The following CACNA2D1 variants were observed in gnomAD, a reference collection of about 807,000 sequenced individuals.
The protein encoded by CACNA2D1 is voltage-dependent calcium channel subunit alpha-2/delta-1.
In CACNA2D1, 53 loss-of-function variants were observed where a neutral mutation model predicts 171.5. That is an observed-to-expected ratio of 0.31 (90% confidence interval 0.25 to 0.39). The LOEUF (loss-of-function observed/expected upper bound fraction) is 0.39, where lower values mean the gene tolerates loss of function less well. Among genes scored for constraint, CACNA2D1 ranks in the 10% least tolerant of loss-of-function variants. The pLI, the probability that CACNA2D1 is intolerant of heterozygous loss-of-function variation, is 1.00. For synonymous variants in CACNA2D1, 442 were observed against 443.1 expected (o/e 1.00, Z 0.03); for missense variants, 903 against 1,299.8 (o/e 0.69, Z 4.69).
chr7:82,085,045 G>T (rs140943942), intron 6 of CACNA2D1, 145 bp from the exon 7 acceptor site: 3 of 730,688 alleles, frequency 4.1e-6, no homozygotes, highest in African/African-American at 3.5e-5. Context: ...ACAAGTTTTC[G>T]ACACTTTAGA....
Position 82,181,041 on chromosome 7 carries a change from ATTTTTTTTTTTTTTTTT to A in CACNA2D1, c.295-10449_295-10433del, listed in dbSNP as rs71093367. On this transcript the variant is annotated intron_variant, in intron 3 of 38. Transcript: ENST00000356860. ...GGTCAGCAGCTGTGGGGCATGTCGGATTTTTTTTTTTTTTTTTTTTTTTTTTTTTTTTTTTTGCGTCA... is the reference window on the plus strand; with the variant it reads ...GGTCAGCAGCTGTGGGGCATGTCGGATTTTTTTTTTTTTTTTTTTGCGTCA... 5.3e-3 allele frequency among the ~76,000 whole-genome samples: 74 copies of A among 13,958 alleles called. 2 individuals carry two copies. Among genetic ancestry groups the A allele is most frequent in the East Asian group, 0.012 (10 of 808 alleles). 9.2% of individuals were successfully genotyped at this position (13,958 alleles called of 152,430 possible). A position where few individuals can be genotyped will look rare whatever the true frequency, so the allele number is the denominator to read the frequency against.
At chr7:82,096,419 G>T (rs902781998) in intron 6 of CACNA2D1, among the ~76,000 whole-genome samples, 3 of 152,022 alleles carry the variant, frequency 2.0e-5, no homozygotes, top group Non-Finnish European at 4.4e-5. Flanking sequence ...AGAACATCAT[G>T]AGTGCTCTTT....
At chr7:82,124,009 T>C (rs1272563114) in intron 5 of CACNA2D1, among the ~76,000 whole-genome samples, 3 of 152,060 alleles carry the variant, frequency 2.0e-5, no homozygotes, top group African/African-American at 7.2e-5. Context: ...ATCAAAAATA[T>C]TTAAACCATT....
intron 16 of CACNA2D1, 48 bp from the exon 17 acceptor site, chr7:82,005,887 A>G: frequency 9.8e-7 from 1 of 1,024,724 alleles, no homozygotes; most frequent in Non-Finnish European, 1.6e-6. Context: ...AAATTTACGT[A>G]TTTTTACACA....
At chr7:82,094,566 A>G (rs986008801) in intron 6 of CACNA2D1, among the ~76,000 whole-genome samples, 4 of 152,330 alleles carry the variant, frequency 2.6e-5, no homozygotes, top group East Asian at 1.9e-4. Context: ...CATTAAATTT[A>G]CAAGTCCTTG....
Position 82,149,791 on chromosome 7 carries a change from C to G in CACNA2D1, c.355-13115G>C, listed in dbSNP as rs62462961. Reference sequence around the variant, plus strand: ...AAAATACAAAAAAAAAACAAACAAACAACAAAAAAAAAAACATTAGCTGGG... The same window carrying G: ...AAAATACAAAAAAAAAACAAACAAAGAACAAAAAAAAAAACATTAGCTGGG... On this transcript the variant is annotated intron_variant, in intron 4 of 38. Coordinates refer to ENST00000356860, the MANE Select transcript of CACNA2D1 (RefSeq NM_000722.4). Among the ~76,000 whole-genome samples, 276 of 137,036 alleles carry G rather than the reference C, an allele frequency of 2.0e-3. 1 individual carries two copies. The highest frequency in any genetic ancestry group is 7.8e-3 in the Middle Eastern group (2 of 256). 89.9% of individuals were successfully genotyped at this position (137,036 alleles called of 152,430 possible). A position where few individuals can be genotyped will look rare whatever the true frequency, so the allele number is the denominator to read the frequency against.
chr7:82,134,003 G>A (rs1255059409), intron 5 of CACNA2D1, among the ~76,000 whole-genome samples: 1 of 152,002 alleles, frequency 6.6e-6, no homozygotes, highest in Non-Finnish European at 1.5e-5. Context: ...AACCCAGGAG[G>A]TGGAGCTTGC....
At chr7:82,162,969 C>T (rs1009954196) in intron 4 of CACNA2D1, among the ~76,000 whole-genome samples, 1 of 151,996 alleles carries the variant, frequency 6.6e-6, no homozygotes, top group Admixed American at 6.6e-5. Context: ...GAAGAAAACT[C>T]TCAGGCCAGG....
chr7:82,251,369 T>A (rs1372764023), intron 3 of CACNA2D1, among the ~76,000 whole-genome samples: 1 of 152,186 alleles, frequency 6.6e-6, no homozygotes, highest in Admixed American at 6.5e-5. Flanking sequence ...AAATTATCTA[T>A]ATCTTGATAG....
intron 24 of CACNA2D1, among the ~76,000 whole-genome samples, chr7:81,979,459 T>C (rs529184419): frequency 2.8e-4 from 42 of 152,262 alleles, no homozygotes; most frequent in African/African-American, 9.6e-4. Context: ...AGTTTCCACC[T>C]TGTCTTATAG....
chr7:82,163,744 C>T (rs1795176423), intron 4 of CACNA2D1, among the ~76,000 whole-genome samples: 1 of 151,944 alleles, frequency 6.6e-6, no homozygotes, highest in Non-Finnish European at 1.5e-5. Flanking sequence ...GTTGCAATGG[C>T]AAACATAGTA....
rs957915149 is a variant in CACNA2D1, at chr7:81,948,612, A to T, written c.*1780T>A. The T allele has an allele frequency of 6.6e-6, 1 of 151,944 alleles. No individual in the cohort carries two copies. The highest frequency in any genetic ancestry group is 1.5e-5 in the Non-Finnish European group (1 of 67,836). 9.4% of individuals were successfully genotyped at this position (151,944 alleles called of 1,614,324 possible). ...TGGTTATATCTTTGATATGTGGAGC[A>T]TATTAAAGCATGCTGGATAATGTTA... On this transcript the variant is annotated 3_prime_UTR_variant, in exon 39 of 39. Coordinates refer to ENST00000356860, the MANE Select transcript of CACNA2D1 (RefSeq NM_000722.4).
At chr7:82,106,199 A>G (rs2129042401) in intron 6 of CACNA2D1, among the ~76,000 whole-genome samples, 1 of 152,220 alleles carries the variant, frequency 6.6e-6, no homozygotes, top group Middle Eastern at 3.4e-3. Context: ...ATGCCTTTCT[A>G]CCTCTAGGGA....
intron 3 of CACNA2D1, among the ~76,000 whole-genome samples, chr7:82,227,761 A>C (rs1802510326): frequency 1.3e-5 from 2 of 152,234 alleles, no homozygotes; most frequent in Non-Finnish European, 2.9e-5. Context: ...AGAAAAAACT[A>C]CAGTGAATAG....
intron 4 of CACNA2D1, among the ~76,000 whole-genome samples, chr7:82,146,468 A>T (rs1793107871): frequency 6.9e-6 from 1 of 145,402 alleles, no homozygotes; most frequent in Non-Finnish European, 1.5e-5. Context: ...ATATAAATAT[A>T]TATCTTTATA....
At position 82,443,612 on chromosome 7, in the gene CACNA2D1, G is replaced by A. The variant is rs1385836916; in HGVS notation, c.-153C>T. On this transcript the variant is annotated 5_prime_UTR_variant, in exon 1 of 39. Coordinates refer to ENST00000356860, the MANE Select transcript of CACNA2D1 (RefSeq NM_000722.4). Reference sequence around the variant, plus strand: ...CGGGGCCCGAGGCGCGGAGCCGCGCGGGGGACGGCAAGGGCGGGAGCGGAC... The same window carrying A: ...CGGGGCCCGAGGCGCGGAGCCGCGCAGGGGACGGCAAGGGCGGGAGCGGAC... 2.2e-6 allele frequency: 3 copies of A among 1,367,738 alleles called. No individual in the cohort carries two copies. The highest frequency in any genetic ancestry group is 2.8e-6 in the Non-Finnish European group (3 of 1,066,406). The allele number at this position is 1,367,738 out of a possible 1,614,324, so 84.7% of individuals were successfully genotyped here.
At chr7:82,147,615 C>T (rs1461108761) in intron 4 of CACNA2D1, among the ~76,000 whole-genome samples, 2 of 152,124 alleles carry the variant, frequency 1.3e-5, no homozygotes, top group African/African-American at 4.8e-5. Context: ...GACTCATGAT[C>T]CAGGTCAACA....
At chr7:82,130,422 G>T (rs2367908) in intron 5 of CACNA2D1, among the ~76,000 whole-genome samples, 5,150 of 152,054 alleles carry the variant, frequency 0.034, 288 homozygotes, top group African/African-American at 0.12. Flanking sequence ...AATGGAAAAA[G>T]ATATATGAAT....
chr7:81,989,113 T>G (rs569565193), intron 21 of CACNA2D1, among the ~76,000 whole-genome samples: 1 of 152,290 alleles, frequency 6.6e-6, no homozygotes, highest in South Asian at 2.1e-4. Flanking sequence ...GCAGAAGTAA[T>G]TTCATATACA....
Sources: gnomAD v4.1 joint callset for allele counts (sites outside exome capture counted in the v4.1 genomes callset) on GRCh38, gnomAD v4.1.1 for gene constraint, MANE v1.5 for transcripts, NCBI Gene and HGNC (gene_info 2026-07-23, HGNC 2026-07-21) for gene names.